Variants in PODN observed in about 807,000 individuals in gnomAD.
PODN encodes podocan proteoglycan.
In PODN, 40 loss-of-function variants were observed where a neutral mutation model predicts 52.7. That is an observed-to-expected ratio of 0.76 (90% CI 0.59 to 0.99). The LOEUF (loss-of-function observed/expected upper bound fraction) is 0.99, where lower values mean the gene tolerates loss of function less well. Ranked by LOEUF, PODN falls within the 50% of genes least tolerant of loss-of-function variation. The pLI is 0.00. For synonymous variants in PODN, 396 were observed against 377.9 expected, an observed-to-expected ratio of 1.05 and a Z score of -0.56; for missense variants, 720 against 815.1, an observed-to-expected ratio of 0.88 and a Z score of 1.42.
intron 8 of PODN, 37 bp downstream of exon 8, chr1:53,079,059 A>G: frequency 2.7e-6 from 4 of 1,479,548 alleles, no homozygotes; most frequent in Non-Finnish European, 3.6e-6. Flanking sequence ...ATGCCCATGG[A>G]GGGGGGTACT....
rs186676109 is a variant in PODN, at chr1:53,082,225, C to T, written c.*27+37C>T. On this transcript the variant is annotated intron_variant, in intron 10 of 10. Transcript: ENST00000312553. ...GTATGGGGCAGCACTCACTTCTGCTCCCTGCATTTTCCCCTTCCTGACCCT... is the reference window on the plus strand; with the variant it reads ...GTATGGGGCAGCACTCACTTCTGCTTCCTGCATTTTCCCCTTCCTGACCCT... The T allele has an allele frequency of 2.8e-5, 41 of 1,454,970 alleles. No homozygotes were observed. In the East Asian group the frequency reaches 1.0e-3, roughly 36 times the overall value. 90.1% of individuals were successfully genotyped at this position (1,454,970 alleles called of 1,614,324 possible). A position where few individuals can be genotyped will look rare whatever the true frequency, so the allele number is the denominator to read the frequency against.
At chr1:53,077,051 T>G (rs1644204108) in intron 5 of PODN, 139 bp from the exon 6 acceptor site, 3 of 1,055,620 alleles carry the variant, frequency 2.8e-6, no homozygotes, top group Admixed American at 4.8e-5. Flanking sequence ...GTAGGCAACA[T>G]CTGAGGTGCT....
chr1:53,079,007 C>T lies in PODN; in HGVS notation c.1497C>T (p.Asp499=), dbSNP rs1400929142. The T allele has an allele frequency of 3.2e-6, 5 of 1,553,996 alleles. No individual in the cohort carries two copies. Among genetic ancestry groups the T allele is most frequent in the Non-Finnish European group, 4.4e-6 (5 of 1,148,544 alleles). Residue 499 remains aspartate (D), a synonymous_variant, in exon 8 of 11, where the codon GAC becomes GAT. Coordinates refer to ENST00000312553, the MANE Select transcript of PODN (RefSeq NM_153703.5). ...SRALGPRAWV[D]LAHLQLLDIA... ...CCCTGGGCCCCCGTGCCTGGGTGGA[C>T]CTCGCCCATCTGCAGGTAAGCGGAA...
chr1:53,080,284 C>G (rs1644276152), intron 8 of PODN, among the ~76,000 whole-genome samples: 1 of 152,236 alleles, frequency 6.6e-6, no homozygotes, highest in Non-Finnish European at 1.5e-5. Flanking sequence ...GCTCCCACTG[C>G]ACCCATCCAG....
chr1:53,084,109 T>C (rs1444580762), intron 10 of PODN, among the ~76,000 whole-genome samples: 1 of 152,024 alleles, frequency 6.6e-6, no homozygotes, highest in Non-Finnish European at 1.5e-5. Context: ...GGGGGTCACC[T>C]TCCCCAGCTC....
At position 53,071,562 on chromosome 1, in the gene PODN, GA is replaced by G. The variant is rs1285524498; in HGVS notation, c.341del (p.Glu114GlyfsTer12). On this transcript the variant is annotated frameshift_variant, in exon 3 of 11. Coordinates refer to ENST00000312553, the MANE Select transcript of PODN (RefSeq NM_153703.5). LOFTEE classifies it high-confidence loss of function. The part of the protein sequence containing the change: ...QNNQLEKIYP[E>X]ELSRLHRLET... ...CAACCAGCTGGAAAAGATCTACCCT[GA>G]GGAGCTCTCCCGGCTGCACCGGCTG... 2.4e-5 allele frequency: 39 copies of G among 1,613,872 alleles called. No individual in the cohort carries two copies. Among genetic ancestry groups the G allele is most frequent in the Non-Finnish European group, 3.2e-5 (38 of 1,179,994 alleles).
At chr1:53,068,981 G>A (rs1280036570) in intron 1 of PODN, among the ~76,000 whole-genome samples, 1 of 152,316 alleles carries the variant, frequency 6.6e-6, no homozygotes, top group Non-Finnish European at 1.5e-5. Context: ...AGGAATGGGA[G>A]GCCATGAGGG....
rs1553160356 is a variant in PODN, at chr1:53,082,128, A to AGGAGGAGGAG, written c.1810_1811insGAGGAGGAGG (p.Glu604GlyfsTer18). On this transcript the variant is annotated frameshift_variant, in exon 10 of 11. Coordinates refer to ENST00000312553, the MANE Select transcript of PODN (RefSeq NM_153703.5). LOFTEE classifies it high-confidence loss of function. ...TGGGGAAGGAAAAGGAGGAGGAGGA[A>AGGAGGAGGAG]GAGGAGGAGGAGGAGGAAGAGGAAA... The AGGAGGAGGAG allele has an allele frequency of 6.5e-5, 104 of 1,610,426 alleles. 1 individual carries two copies. In the South Asian group the frequency reaches 1.1e-3, roughly 17 times the overall value.
intron 3 of PODN, among the ~76,000 whole-genome samples, chr1:53,072,082 T>C (rs1644127826): frequency 6.8e-6 from 1 of 146,048 alleles, no homozygotes; most frequent in Admixed American, 6.8e-5. Flanking sequence ...TAAAATAAAA[T>C]AAATAAAAAA....
rs1489483639 is a variant in PODN at position 53,082,030 on chromosome 1, C to T, written c.1711C>T (p.Leu571=). 28 of 1,613,418 alleles carry T rather than the reference C, an allele frequency of 1.7e-5. No homozygotes were observed. Among genetic ancestry groups the T allele is most frequent in the African/African-American group, 2.7e-5 (2 of 74,984 alleles). The change falls in exon 10 of 11, where the codon CTG becomes TTG. Residue 571 remains leucine (L), a synonymous_variant. Coordinates refer to ENST00000312553, the MANE Select transcript of PODN (RefSeq NM_153703.5). ...GSVVDSAFRR[L]KHLQVLDIEG... ...CGTGGTGGACAGTGCCTTCCGGAGG[C>T]TGAAGCACCTGCAGGTCTTGGACAT...
Position 53,084,900 on chromosome 1 carries a change from A to G in PODN, c.*415A>G. 6.6e-6 allele frequency: 1 copy of G among 152,264 alleles called. No individual in the cohort carries two copies. The highest frequency in any genetic ancestry group is 1.5e-5 in the Non-Finnish European group (1 of 68,142). The allele number at this position is 152,264 out of a possible 1,614,324, so 9.4% of individuals were successfully genotyped here. Reference sequence around the variant, plus strand: ...ATACACACCACACACACACACATGCACAAGTCATGTGCGAACAGCCCTCCA... The same window carrying G: ...ATACACACCACACACACACACATGCGCAAGTCATGTGCGAACAGCCCTCCA... On this transcript the variant is annotated 3_prime_UTR_variant, in exon 11 of 11. Coordinates refer to ENST00000312553, the MANE Select transcript of PODN (RefSeq NM_153703.5).
intron 4 of PODN, 84 bp from the exon 5 acceptor site, chr1:53,075,778 G>GC (rs1386214108): frequency 1.7e-6 from 2 of 1,175,966 alleles, no homozygotes; most frequent in African/African-American, 3.0e-5. Flanking sequence ...CAGTGAAGGG[G>GC]CCCCGGTGGG....
Position 53,078,666 on chromosome 1 carries a change from A to C in PODN, c.1156A>C (p.Met386Leu). 4 of 1,613,178 alleles carry C rather than the reference A, an allele frequency of 2.5e-6. No homozygotes were observed. Among genetic ancestry groups the C allele is most frequent in the Non-Finnish European group, 3.4e-6 (4 of 1,179,966 alleles). ...SGLPRRVRTL[M>L]ILHNQITGIG... Reference sequence around the variant, plus strand: ...CCTGCCTCGCCGCGTGCGCACCCTCATGATCCTGCACAACCAGATCACAGG... The same window carrying C: ...CCTGCCTCGCCGCGTGCGCACCCTCCTGATCCTGCACAACCAGATCACAGG... The change falls in exon 8 of 11, where the codon ATG becomes CTG. Residue 386 changes from methionine to leucine, a missense_variant. Coordinates refer to ENST00000312553, the MANE Select transcript of PODN (RefSeq NM_153703.5).
intron 4 of PODN, among the ~76,000 whole-genome samples, chr1:53,075,479 G>T (rs1208639749): frequency 6.6e-6 from 1 of 152,184 alleles, no homozygotes; most frequent in African/African-American, 2.4e-5. Flanking sequence ...TCACCTGGAC[G>T]CTTGCCTCCT....
chr1:53,063,960 C>T (rs1240890919), intron 1 of PODN, among the ~76,000 whole-genome samples: 1 of 152,138 alleles, frequency 6.6e-6, no homozygotes, highest in Non-Finnish European at 1.5e-5. Context: ...CCCACCCCTA[C>T]CTTTTGATCA....
chr1:53,077,735 C>G lies in PODN; in HGVS notation c.789C>G (p.Ser263Arg). 1.2e-6 allele frequency: 2 copies of G among 1,613,728 alleles called. No individual in the cohort carries two copies. The highest frequency in any genetic ancestry group is 1.7e-6 in the Non-Finnish European group (2 of 1,179,968). ...IPPGAFSELS[S>R]LRELYLQNNY... is the part of the protein sequence containing the mutation. ...CGGGGGCCTTCAGCGAGCTGAGCAG[C>G]CTGCGCGAGCTATACCTGCAGAACA... Residue 263 changes from serine (S) to arginine (R), a missense_variant, in exon 7 of 11, where the codon AGC (serine) becomes AGG (arginine). Transcript: ENST00000312553.
At chr1:53,069,690 G>A (rs948672059) in intron 1 of PODN, 111 bp from the exon 2 acceptor site, 5 of 1,424,810 alleles carry the variant, frequency 3.5e-6, no homozygotes, top group Middle Eastern at 5.0e-4. Context: ...GAGGGCAGCA[G>A]TCAGTCATCG....
chr1:53,080,727 GC>G lies in PODN; in HGVS notation c.1513del (p.Leu505CysfsTer67). 5 of 1,613,712 alleles carry G rather than the reference GC, an allele frequency of 3.1e-6. No homozygotes were observed. Among genetic ancestry groups the G allele is most frequent in the Non-Finnish European group, 4.2e-6 (5 of 1,179,824 alleles). On this transcript the variant is annotated frameshift_variant and splice_region_variant, in exon 9 of 11. Transcript: ENST00000312553. LOFTEE classifies it high-confidence loss of function. Reference sequence around the variant, plus strand: ...CCTGACTCCCTTGGTCACCCCTGCAGCTGCTGGACATCGCCGGGAATCAGCT... The same window carrying G: ...CCTGACTCCCTTGGTCACCCCTGCAGTGCTGGACATCGCCGGGAATCAGCT... ...RAWVDLAHLQLLDIAGNQLTE... is the reference protein window; with the variant it reads ...RAWVDLAHLQXLDIAGNQLTE...
intron 4 of PODN, among the ~76,000 whole-genome samples, chr1:53,074,904 G>A (rs898685223): frequency 1.3e-5 from 2 of 152,046 alleles, no homozygotes; most frequent in Admixed American, 1.3e-4. Flanking sequence ...GGAGTGTAGA[G>A]GGGGAAGAGC....
Sources: allele counts gnomAD v4.1 joint callset (sites outside exome capture counted in the v4.1 genomes callset), GRCh38; gene constraint gnomAD v4.1.1; transcripts MANE v1.5; gene names NCBI Gene and HGNC (gene_info 2026-07-23, HGNC 2026-07-21).